The following MAN2A1 variants were observed in gnomAD, a reference collection of about 807,000 sequenced individuals.
The protein encoded by MAN2A1 is alpha-mannosidase 2.
Under a neutral mutation model 142.6 loss-of-function variants are expected in MAN2A1, and 76 were observed. The observed-to-expected ratio is 0.53, with a 90% CI of 0.44 to 0.65. MAN2A1 has a LOEUF of 0.65. MAN2A1 is among the 30% of genes least tolerant of loss of function. The pLI is 0.00. For missense variants in MAN2A1, 1,311 were observed against 1,365.1 expected (o/e 0.96, Z 0.62); for synonymous variants, 559 against 473.2 (o/e 1.18, Z -2.35).
At chr5:109,826,580 G>C (rs1431245277) in intron 16 of MAN2A1, among the ~76,000 whole-genome samples, 1 of 152,230 alleles carries the variant, frequency 6.6e-6, no homozygotes, top group Non-Finnish European at 1.5e-5. Flanking sequence ...GTTGTGGAGA[G>C]AGTCTTTCCT....
intron 4 of MAN2A1, among the ~76,000 whole-genome samples, chr5:109,738,812 GCT>G (rs1359879334): frequency 2.0e-5 from 3 of 151,968 alleles, no homozygotes; most frequent in Non-Finnish European, 4.4e-5. Context: ...AATTTTTAAT[GCT>G]GAAGTCTTCT....
At chr5:109,797,301 A>G (rs926833024) in intron 12 of MAN2A1, among the ~76,000 whole-genome samples, 1 of 146,306 alleles carries the variant, frequency 6.8e-6, no homozygotes, top group Non-Finnish European at 1.5e-5. Context: ...GTTTTGAGTT[A>G]TAATCTCTGA....
chr5:109,731,861 C>A (rs1179159514), intron 4 of MAN2A1, among the ~76,000 whole-genome samples: 2 of 148,858 alleles, frequency 1.3e-5, no homozygotes, highest in Admixed American at 6.7e-5. Flanking sequence ...ATTTATAGTC[C>A]TTTGGGTATA....
At chr5:109,725,071 G>A (rs1251845851) in intron 3 of MAN2A1, among the ~76,000 whole-genome samples, 1 of 152,110 alleles carries the variant, frequency 6.6e-6, no homozygotes, top group Non-Finnish European at 1.5e-5. Context: ...TGAGTGGTAT[G>A]TGTGCTCAGG....
At chr5:109,835,989 A>G (rs1021493610) in intron 16 of MAN2A1, among the ~76,000 whole-genome samples, 1 of 152,056 alleles carries the variant, frequency 6.6e-6, no homozygotes, top group Admixed American at 6.6e-5. Context: ...CAGGGTTTCC[A>G]TTTGCATTTT....
chr5:109,716,818 T>C (rs1751467452), intron 3 of MAN2A1, among the ~76,000 whole-genome samples: 1 of 152,150 alleles, frequency 6.6e-6, no homozygotes, highest in Admixed American at 6.5e-5. Context: ...AGAATGAGGA[T>C]AGTAGTATCT....
Position 109,855,234 on chromosome 5 carries a change from TCTC to T in MAN2A1, c.3075_3077del (p.Ser1026del), listed in dbSNP as rs3217225. 0.19 allele frequency: 306,368 copies of T among 1,604,266 alleles called. 36,195 individuals are homozygous for T. The highest frequency in any genetic ancestry group is 0.61 in the East Asian group (26,756 of 43,588). The stretch of plus-strand genomic sequence containing the variant: ...CCAGTCATTCCAATGGCAAATAAGT[TCTC>T]CTCACCTACCCTTGAGCTGCAAGGT... On this transcript the variant is annotated inframe_deletion, in exon 20 of 22. Transcript: ENST00000261483.
intron 1 of MAN2A1, among the ~76,000 whole-genome samples, chr5:109,706,462 G>C (rs1401967159): frequency 6.6e-6 from 1 of 152,164 alleles, no homozygotes; most frequent in African/African-American, 2.4e-5. Flanking sequence ...ATGGATATTA[G>C]TATCTGCATT....
rs185200215 is a variant in MAN2A1 at position 109,811,257 on chromosome 5, A to G, written c.1944-6016A>G. Among the ~76,000 whole-genome samples the G allele has an allele frequency of 1.0e-3, 159 of 152,098 alleles. 1 individual carries two copies. The highest frequency in any genetic ancestry group is 1.9e-3 in the Non-Finnish European group (129 of 67,994). On this transcript the variant is annotated intron_variant, in intron 12 of 21. Coordinates refer to ENST00000261483, the MANE Select transcript of MAN2A1 (RefSeq NM_002372.4). Reference sequence around the variant, plus strand: ...CCATTTGTCTTGCTCATCTATTATTAAGGATGTATGTATATTATAGAATTG... The same window carrying G: ...CCATTTGTCTTGCTCATCTATTATTGAGGATGTATGTATATTATAGAATTG...
chr5:109,696,137 T>G (rs572823034), intron 1 of MAN2A1, among the ~76,000 whole-genome samples: 2 of 152,128 alleles, frequency 1.3e-5, no homozygotes, highest in Admixed American at 6.5e-5. Flanking sequence ...AGTCTCACTA[T>G]GTTGGCAGAC....
chr5:109,690,468 G>A lies in MAN2A1; in HGVS notation c.51G>A (p.Val17=). 1.9e-6 allele frequency: 3 copies of A among 1,614,066 alleles called. No individual in the cohort carries two copies. The highest frequency in any genetic ancestry group is 1.7e-6 in the Non-Finnish European group (2 of 1,179,932). The change falls in exon 1 of 22, where the codon GTG becomes GTA. Residue 17 remains valine (V), a synonymous_variant. Coordinates refer to ENST00000261483, the MANE Select transcript of MAN2A1 (RefSeq NM_002372.4). ...TGTTCGGCAGTGCGATCTTCTGTGT[G>A]GTGATTTTCTCGCTCTACCTGATGC... ...FTVFGSAIFC[V]VIFSLYLMLD... is the part of the protein sequence containing the mutation.
rs1308151268 is a variant in MAN2A1, at chr5:109,713,503, T to C, written c.136-17T>C. The C allele has an allele frequency of 2.5e-6, 4 of 1,575,270 alleles. No individual in the cohort carries two copies. Among genetic ancestry groups the C allele is most frequent in the South Asian group, 2.3e-5 (2 of 86,240 alleles). On this transcript the variant is annotated splice_polypyrimidine_tract_variant and intron_variant, in intron 1 of 21. Coordinates refer to ENST00000261483, the MANE Select transcript of MAN2A1 (RefSeq NM_002372.4). ...TATTAGTATTTCATATAGCTGCCTT[T>C]TTCTTTTTTATTGTAGGGCCAGCTC...
chr5:109,796,207 T>C (rs1753857345), intron 12 of MAN2A1, among the ~76,000 whole-genome samples: 2 of 152,190 alleles, frequency 1.3e-5, no homozygotes, highest in Non-Finnish European at 2.9e-5. Flanking sequence ...CCGGCTGCAC[T>C]CAGATTTTCT....
At chr5:109,753,235 A>T (rs779262010) in intron 4 of MAN2A1, among the ~76,000 whole-genome samples, 2 of 152,236 alleles carry the variant, frequency 1.3e-5, no homozygotes, top group Admixed American at 6.5e-5. Context: ...ATAACGCATA[A>T]GGGGCAGGTT....
intron 19 of MAN2A1, among the ~76,000 whole-genome samples, chr5:109,852,736 C>T (rs1472927629): frequency 6.6e-6 from 1 of 152,164 alleles, no homozygotes; most frequent in Non-Finnish European, 1.5e-5. Flanking sequence ...CTGGGGTATT[C>T]ATTTATAACT....
chr5:109,690,517 C>A lies in MAN2A1; in HGVS notation c.100C>A (p.Pro34Thr), dbSNP rs1427773533. 3.1e-6 allele frequency: 5 copies of A among 1,612,422 alleles called. No individual in the cohort carries two copies. In the South Asian group the frequency reaches 5.5e-5, roughly 18 times the overall value. Residue 34 changes from proline (P) to threonine (T), a missense_variant, in exon 1 of 22, where the codon CCC becomes ACC. Around this residue, in one of 3 missense-constraint regions of MAN2A1, gnomAD observed 409 missense variants for 412.7 expected, o/e 0.99. Coordinates refer to ENST00000261483, the MANE Select transcript of MAN2A1 (RefSeq NM_002372.4). ...GCTGGACCGGGGTCACTTAGACTAC[C>A]CCAGGAACCCGCGCCGCGAGGGCTC... ...LMLDRGHLDY[P>T]RNPRREGSFP...
At chr5:109,817,682 A>G (rs1178410489) in intron 13 of MAN2A1, among the ~76,000 whole-genome samples, 1 of 152,194 alleles carries the variant, frequency 6.6e-6, no homozygotes, top group Non-Finnish European at 1.5e-5. Flanking sequence ...TGTTGTTCAT[A>G]TGTATATTGT....
chr5:109,791,268 CTTA>C (rs1385953938), intron 12 of MAN2A1, among the ~76,000 whole-genome samples: 2 of 151,646 alleles, frequency 1.3e-5, no homozygotes, highest in Admixed American at 6.6e-5. Flanking sequence ...TGTTTTTATG[CTTA>C]TTATCCATTT....
At chr5:109,769,505 C>A (rs1315640762) in intron 6 of MAN2A1, among the ~76,000 whole-genome samples, 1 of 152,080 alleles carries the variant, frequency 6.6e-6, no homozygotes, top group East Asian at 1.9e-4. Context: ...AGGGCGGGGG[C>A]TATTTAAAAG....
Sources: gnomAD v4.1 joint callset for allele counts (sites outside exome capture counted in the v4.1 genomes callset) on GRCh38, gnomAD v4.1.1 for gene constraint, gnomAD v4.1.1 regional missense constraint, MANE v1.5 for transcripts, NCBI Gene and HGNC (gene_info 2026-07-23, HGNC 2026-07-21) for gene names.